GALNT8: variants seen among roughly 807,000 people sequenced by gnomAD.
GALNT8 encodes polypeptide N-acetylgalactosaminyltransferase 8, also known as probable polypeptide N-acetylgalactosaminyltransferase 8.
In GALNT8, 66 loss-of-function variants were observed where a neutral mutation model predicts 62.7. That is an observed-to-expected ratio of 1.05 (90% CI 0.86 to 1.29). GALNT8 has a LOEUF of 1.29. Ranked by LOEUF, GALNT8 falls within the 50% of genes most tolerant of loss-of-function variation. The pLI is 0.00. For missense variants in GALNT8, 771 were observed against 791.8 expected, an observed-to-expected ratio of 0.97 and a Z score of 0.32; for synonymous variants, 288 against 294.3, an observed-to-expected ratio of 0.98 and a Z score of 0.22.
At chr12:4,761,197 G>A (rs2191157) in intron 7 of GALNT8, 54 bp downstream of exon 7, 606,405 of 1,501,138 alleles carry the variant, frequency 0.4, 125,120 homozygotes, top group Admixed American at 0.44. Flanking sequence ...AGGAGGTGGC[G>A]GTTATGTAAT....
intron 1 of GALNT8, among the ~76,000 whole-genome samples, chr12:4,725,362 C>G (rs1311910267): frequency 6.6e-6 from 1 of 152,060 alleles, no homozygotes; most frequent in East Asian, 1.9e-4. Flanking sequence ...CATAAAACAT[C>G]CTCTGCCTGG....
chr12:4,726,311 T>A lies in GALNT8; in HGVS notation c.212-221T>A, dbSNP rs1225110342. On this transcript the variant is annotated intron_variant, in intron 1 of 10. Coordinates refer to ENST00000252318, the MANE Select transcript of GALNT8 (RefSeq NM_017417.2). The surrounding 1 kb of genome is among the most constrained non-coding windows in gnomAD (Gnocchi z 4.1). ...AAGATGTGGGATGGAGGAGTTTTGA[T>A]GGGGCTAAAGGGAGAGACGTATCTA... 6.6e-6 allele frequency among the ~76,000 whole-genome samples: 1 copy of A among 152,158 alleles called. No homozygotes were observed. The highest frequency in any genetic ancestry group is 1.5e-5 in the Non-Finnish European group (1 of 68,026).
chr12:4,724,445 G>A (rs1209839133), intron 1 of GALNT8, among the ~76,000 whole-genome samples: 1 of 152,096 alleles, frequency 6.6e-6, no homozygotes, highest in East Asian at 1.9e-4. Context: ...TTGACTTTAG[G>A]ATGGCCAGGT....
intron 10 of GALNT8, among the ~76,000 whole-genome samples, chr12:4,769,257 G>GGGGA (rs1297480540): frequency 6.6e-6 from 1 of 152,156 alleles, no homozygotes; most frequent in Non-Finnish European, 1.5e-5. Flanking sequence ...AAGAGGAAGT[G>GGGGA]GGGAGGGAGT....
At chr12:4,748,944 A>G (rs543284166) in intron 6 of GALNT8, among the ~76,000 whole-genome samples, 1 of 152,062 alleles carries the variant, frequency 6.6e-6, no homozygotes, top group Non-Finnish European at 1.5e-5. Context: ...TCTTTGCTTA[A>G]TTCCTAGGTA....
At chr12:4,744,350 G>A (rs574468338) in intron 3 of GALNT8, among the ~76,000 whole-genome samples, 167 bp from the exon 4 acceptor site, 1 of 152,326 alleles carries the variant, frequency 6.6e-6, no homozygotes, top group African/African-American at 2.4e-5. Context: ...GTGCAAGGGA[G>A]AAGAGAGGCA....
At chr12:4,721,870 C>T (rs927294080) in intron 1 of GALNT8, among the ~76,000 whole-genome samples, 7 of 152,206 alleles carry the variant, frequency 4.6e-5, no homozygotes, top group African/African-American at 1.4e-4. Flanking sequence ...TTGGACAATA[C>T]CTGGCTTTCC....
At position 4,720,643 on chromosome 12, in the gene GALNT8, A is replaced by C. The variant is rs776783116; in HGVS notation, c.-35A>C. The stretch of plus-strand genomic sequence containing the variant: ...AACCTGCTCCAGCAGTGACACACTC[A>C]GTCCCACAGGGAGTGGACGACCCCC... On this transcript the variant is annotated 5_prime_UTR_variant, in exon 1 of 11. Coordinates refer to ENST00000252318, the MANE Select transcript of GALNT8 (RefSeq NM_017417.2). 33 of 1,295,144 alleles carry C rather than the reference A, an allele frequency of 2.5e-5. No individual in the cohort carries two copies. Among genetic ancestry groups the C allele is most frequent in the Non-Finnish European group, 3.6e-5 (32 of 888,856 alleles). 80.2% of individuals were successfully genotyped at this position (1,295,144 alleles called of 1,614,324 possible). A position where few individuals can be genotyped will look rare whatever the true frequency, so the allele number is the denominator to read the frequency against.
At chr12:4,738,697 T>G (rs1946256700) in intron 2 of GALNT8, among the ~76,000 whole-genome samples, 1 of 152,118 alleles carries the variant, frequency 6.6e-6, no homozygotes, top group South Asian at 2.1e-4. Flanking sequence ...CCAAAAAAGC[T>G]ATAAAAAGGG....
chr12:4,748,037 C>T (rs927077178), intron 6 of GALNT8, among the ~76,000 whole-genome samples: 8 of 152,216 alleles, frequency 5.3e-5, no homozygotes, highest in Non-Finnish European at 8.8e-5. Flanking sequence ...AATGTCTATT[C>T]GAATCTTTTG....
At chr12:4,747,670 A>G (rs569248281) in intron 6 of GALNT8, among the ~76,000 whole-genome samples, 43 of 152,300 alleles carry the variant, frequency 2.8e-4, no homozygotes, top group African/African-American at 1.0e-3. Context: ...CAGTGCTGCA[A>G]CAAACAAAAG....
intron 3 of GALNT8, among the ~76,000 whole-genome samples, chr12:4,742,389 G>A (rs3782742): frequency 0.38 from 57,384 of 152,112 alleles, 11,183 homozygotes; most frequent in Admixed American, 0.43. Flanking sequence ...TAGGTGGAAT[G>A]CTGTATTTTC....
intron 1 of GALNT8, among the ~76,000 whole-genome samples, chr12:4,725,553 C>CTTTTTTTTT (rs747460695): frequency 8.4e-6 from 1 of 119,696 alleles, no homozygotes; most frequent in Non-Finnish European, 1.7e-5. Context: ...TGAAGACATT[C>CTTTTTTTTT]TTTTTTTTTT....
In GALNT8 at chr12:4,745,515, A is replaced by G. The variant is rs1230681444; in HGVS notation, c.947A>G (p.Lys316Arg). Residue 316 changes from lysine to arginine, a missense_variant, in exon 5 of 11, where the codon AAA (lysine) becomes AGA (arginine). Coordinates refer to ENST00000252318, the MANE Select transcript of GALNT8 (RefSeq NM_017417.2). ...VFDNIRFDTF[K>R]LDKYELAVDG... ...GACAACATTCGTTTTGACACCTTCA[A>G]ACTGGATAAGTATGAACTGGCAGTT... is the stretch of plus-strand genomic sequence containing the variant. The G allele has an allele frequency of 3.7e-6, 6 of 1,611,062 alleles. No homozygotes were observed. The South Asian group carries it at 6.6e-5, about 18-fold the overall frequency.
chr12:4,763,384 T>C lies in GALNT8; in HGVS notation c.1491T>C (p.Tyr497=). 6.2e-7 allele frequency: 1 copy of C among 1,610,908 alleles called. No homozygotes were observed. The highest frequency in any genetic ancestry group is 1.1e-5 in the South Asian group (1 of 90,734). Residue 497 remains tyrosine, a synonymous_variant, in exon 8 of 11, where the codon TAT becomes TAC. Transcript: ENST00000252318. The part of the protein sequence containing the change: ...LLKPLHTIVG[Y]GRMKNLLDEN... ...AGCCACTCCACACCATCGTGGGCTA[T>C]GGAAGAGTATGTATTATGAAATTGC... is the stretch of plus-strand genomic sequence containing the variant.
chr12:4,769,194 G>A (rs1480170765), intron 10 of GALNT8, among the ~76,000 whole-genome samples: 1 of 152,216 alleles, frequency 6.6e-6, no homozygotes, highest in Non-Finnish European at 1.5e-5. Context: ...GGAGTAGTGA[G>A]GAATAGTGAG....
Position 4,772,547 on chromosome 12 carries a change from T to C in GALNT8, c.1864T>C (p.Trp622Arg), listed in dbSNP as rs776510741. ...LVLQTCSTQV[W>R]EIQHTVRDWG... ...GCTCCAGACCTGTAGCACGCAAGTG[T>C]GGGAAATCCAGCACACTGTCAGAGA... Residue 622 changes from tryptophan (W) to arginine (R), a missense_variant, in exon 11 of 11, where the codon TGG becomes CGG. Trp to Arg is a moderately radical substitution (Grantham distance 101). Transcript: ENST00000252318. The C allele has an allele frequency of 1.9e-6, 3 of 1,613,952 alleles. No individual in the cohort carries two copies. In the South Asian group the frequency reaches 3.3e-5, roughly 18 times the overall value.
At position 4,728,522 on chromosome 12, in the gene GALNT8, T is replaced by C. The variant is rs114864978; in HGVS notation, c.509+1693T>C. ...GTCTTAAATTTAGGTGTTTGGTCCA[T>C]TTTAGTTTTTGTACATAATGTGACA... On this transcript the variant is annotated intron_variant, in intron 2 of 10. Coordinates refer to ENST00000252318, the MANE Select transcript of GALNT8 (RefSeq NM_017417.2). 7.8e-3 allele frequency among the ~76,000 whole-genome samples: 1,188 copies of C among 152,226 alleles called. 9 individuals carry two copies. Among genetic ancestry groups the C allele is most frequent in the African/African-American group, 0.026 (1,087 of 41,554 alleles).
At chr12:4,740,362 GAATT>G (rs1946266701) in intron 3 of GALNT8, among the ~76,000 whole-genome samples, 1 of 151,814 alleles carries the variant, frequency 6.6e-6, no homozygotes, top group Non-Finnish European at 1.5e-5. Flanking sequence ...ACTATAGTGA[GAATT>G]AAATGAGATC....
Sources: gnomAD v4.1 joint callset for allele counts (sites outside exome capture counted in the v4.1 genomes callset) on GRCh38, gnomAD v4.1.1 for gene constraint, Gnocchi (gnomAD v3.1) non-coding constraint, MANE v1.5 for transcripts, NCBI Gene and HGNC (gene_info 2026-07-23, HGNC 2026-07-21) for gene names.